Variants in HTR4 observed in about 807,000 individuals in gnomAD.
HTR4 encodes the protein 5-hydroxytryptamine receptor 4.
HTR4 carries 16 observed loss-of-function variants against 36.8 expected under a neutral mutation model. The observed-to-expected ratio is 0.43, with a 90% confidence interval of 0.29 to 0.66. The LOEUF (loss-of-function observed/expected upper bound fraction) is 0.66, where lower values mean the gene tolerates loss of function less well. Ranked by LOEUF, HTR4 falls within the 30% of genes least tolerant of loss-of-function variation. HTR4 has a pLI of 0.13. For missense variants in HTR4, 438 were observed against 490.9 expected (o/e 0.89, Z 1.02); for synonymous variants, 189 against 185.1 (o/e 1.02, Z -0.17).
chr5:148,591,609 G>A (rs1761574901), intron 2 of HTR4, among the ~76,000 whole-genome samples: 1 of 151,898 alleles, frequency 6.6e-6, no homozygotes, highest in African/African-American at 2.4e-5. Flanking sequence ...AAATGGGATT[G>A]CCTTTATCGC....
chr5:148,558,928 A>G (rs1050214142), intron 2 of HTR4, among the ~76,000 whole-genome samples: 1 of 152,218 alleles, frequency 6.6e-6, no homozygotes, highest in African/African-American at 2.4e-5. Flanking sequence ...ACCTCCCAGT[A>G]AACCCATTGT....
chr5:148,570,791 A>G (rs1012428261), intron 2 of HTR4, among the ~76,000 whole-genome samples: 13 of 152,068 alleles, frequency 8.5e-5, no homozygotes, highest in Non-Finnish European at 1.6e-4. Context: ...TGTATAAAAG[A>G]GAAGGGACAA....
intron 2 of HTR4, among the ~76,000 whole-genome samples, chr5:148,581,886 T>G (rs1362860370): frequency 1.3e-5 from 2 of 152,096 alleles, no homozygotes; most frequent in Admixed American, 1.3e-4. Context: ...GTTTTTAAGA[T>G]TTAGCTAGGG....
At chr5:148,487,782 TAGGCAGTAGAGAGAAATCAC>T (rs1028676888) in intron 6 of HTR4, among the ~76,000 whole-genome samples, 1 of 151,052 alleles carries the variant, frequency 6.6e-6, no homozygotes, top group African/African-American at 2.4e-5. Flanking sequence ...AGCTTAGAGA[TAGGCAGTAGAGAGAAATCAC>T]AGGCAGGTCA....
intron 4 of HTR4, among the ~76,000 whole-genome samples, chr5:148,527,959 G>A (rs763194314): frequency 1.3e-5 from 2 of 152,098 alleles, no homozygotes; most frequent in Non-Finnish European, 2.9e-5. Context: ...GAAAATGCTT[G>A]CCAGAAGTAA....
chr5:148,647,408 A>G (rs763192061), intron 1 of HTR4, among the ~76,000 whole-genome samples: 7 of 152,172 alleles, frequency 4.6e-5, no homozygotes, highest in Non-Finnish European at 1.0e-4. Context: ...TGGAAGGTGG[A>G]CTATTTTTTG....
intron 2 of HTR4, among the ~76,000 whole-genome samples, chr5:148,564,462 A>G (rs1391457534): frequency 1.3e-5 from 2 of 152,230 alleles, no homozygotes; most frequent in Non-Finnish European, 2.9e-5. Context: ...TGATTTTGGT[A>G]TCAACAGTGC....
intron 6 of HTR4, among the ~76,000 whole-genome samples, chr5:148,501,056 A>G (rs1485030467): frequency 1.3e-5 from 2 of 152,166 alleles, no homozygotes; most frequent in Non-Finnish European, 2.9e-5. Context: ...AGGGCATTAC[A>G]AACAGTACAG....
chr5:148,505,384 G>T (rs531444251), intron 6 of HTR4, among the ~76,000 whole-genome samples: 7 of 152,144 alleles, frequency 4.6e-5, no homozygotes, highest in Admixed American at 6.5e-5. Flanking sequence ...AAAATAATAA[G>T]AGCTATTTAT....
At chr5:148,650,254 G>C (rs1320721263) in intron 1 of HTR4, among the ~76,000 whole-genome samples, 2 of 152,122 alleles carry the variant, frequency 1.3e-5, no homozygotes, top group African/African-American at 2.4e-5. Flanking sequence ...TGAAGCCAGT[G>C]CTCTATCATT....
At chr5:148,541,909 C>T (rs1310653572) in intron 4 of HTR4, among the ~76,000 whole-genome samples, 2 of 152,154 alleles carry the variant, frequency 1.3e-5, no homozygotes, top group Non-Finnish European at 2.9e-5. Context: ...ATCACTTGCT[C>T]AGGAGCCTAC....
chr5:148,496,747 T>C (rs1004072868), intron 6 of HTR4, among the ~76,000 whole-genome samples: 7 of 152,168 alleles, frequency 4.6e-5, no homozygotes, highest in African/African-American at 9.7e-5. Flanking sequence ...CCATCACCAG[T>C]GATGACAAGG....
At chr5:148,593,130 G>C (rs1761637378) in intron 2 of HTR4, among the ~76,000 whole-genome samples, 1 of 152,128 alleles carries the variant, frequency 6.6e-6, no homozygotes, top group South Asian at 2.1e-4. Flanking sequence ...CTCTGATTCT[G>C]ACTCAAAGCA....
intron 6 of HTR4, among the ~76,000 whole-genome samples, chr5:148,485,465 A>G (rs1756105484): frequency 6.6e-6 from 1 of 152,234 alleles, no homozygotes; most frequent in African/African-American, 2.4e-5. Context: ...TTGTCCCACT[A>G]TGGCAGACTC....
intron 2 of HTR4, among the ~76,000 whole-genome samples, chr5:148,611,029 A>G (rs946307518): frequency 1.1e-4 from 16 of 150,082 alleles, no homozygotes; most frequent in African/African-American, 3.4e-4. Context: ...GGACTATGTG[A>G]AAAGACCAAA....
At position 148,523,285 on chromosome 5, in the gene HTR4, C is replaced by G; in HGVS notation, c.415G>C (p.Ala139Pro). 1 of 1,613,058 alleles carries G rather than the reference C, an allele frequency of 6.2e-7. No homozygotes were observed. Among genetic ancestry groups the G allele is most frequent in the African/African-American group, 1.3e-5 (1 of 74,942 alleles). The change falls in exon 5 of 7, where the codon GCA becomes CCA. Residue 139 changes from alanine (A) to proline (P), a missense_variant. Ala to Pro is a conservative substitution (Grantham distance 27). Transcript: ENST00000377888. ...ACCCAGCAGCCTCCCAGCATTAATG[C>G]GATGCGCAGAGGGGTCATCTTGTTC... is the stretch of plus-strand genomic sequence containing the variant. The part of the protein sequence containing the change: ...YRNKMTPLRI[A>P]LMLGGCWVIP...
intron 2 of HTR4, among the ~76,000 whole-genome samples, chr5:148,573,175 A>C (rs1760747232): frequency 6.6e-6 from 1 of 152,084 alleles, no homozygotes; most frequent in Non-Finnish European, 1.5e-5. Context: ...AAACTAAGAG[A>C]AAATGAAAGG....
intron 2 of HTR4, among the ~76,000 whole-genome samples, chr5:148,577,781 C>T (rs4307084): frequency 0.24 from 35,699 of 151,820 alleles, 5,093 homozygotes; most frequent in Non-Finnish European, 0.32. Flanking sequence ...AACTTATGAA[C>T]ACAAAGAAGG....
intron 4 of HTR4, among the ~76,000 whole-genome samples, chr5:148,542,895 T>A (rs1759191836): frequency 6.6e-6 from 1 of 152,190 alleles, no homozygotes; most frequent in South Asian, 2.1e-4. Flanking sequence ...CTTGTCTGCC[T>A]AACACCCATC....
Sources: gnomAD v4.1 joint callset for allele counts (sites outside exome capture counted in the v4.1 genomes callset) on GRCh38, gnomAD v4.1.1 for gene constraint, MANE v1.5 for transcripts, NCBI Gene and HGNC (gene_info 2026-07-23, HGNC 2026-07-21) for gene names.